The following ITPR2 variants were observed in gnomAD, a reference collection of about 807,000 sequenced individuals.
ITPR2 encodes inositol 1,4,5-trisphosphate-gated calcium channel ITPR2.
A neutral mutation model predicts 317.1 loss-of-function variants in ITPR2; 207 were observed. That is an observed-to-expected ratio of 0.65 (90% confidence interval 0.58 to 0.73). The LOEUF (loss-of-function observed/expected upper bound fraction) is 0.73, where lower values mean the gene tolerates loss of function less well. ITPR2 is among the 30% of genes least tolerant of loss of function. The pLI is 0.00. For synonymous variants in ITPR2, 1,156 were observed against 1,149.1 expected (o/e 1.01, Z -0.12); for missense variants, 2,613 against 3,284.0 (o/e 0.80, Z 4.99).
At chr12:26,391,556 C>CTTTTTTTTTT (rs1555117374) in intron 54 of ITPR2, among the ~76,000 whole-genome samples, 2 of 98,600 alleles carry the variant, frequency 2.0e-5, no homozygotes, top group African/African-American at 4.3e-5. Flanking sequence ...TCTTCTTTTC[C>CTTTTTTTTTT]TTTTTTTTTT....
chr12:26,397,331 C>A (rs958459448), intron 54 of ITPR2, among the ~76,000 whole-genome samples: 1 of 151,780 alleles, frequency 6.6e-6, no homozygotes, highest in African/African-American at 2.4e-5. Flanking sequence ...CTTATCCTGG[C>A]CTTTCTGCTT....
At chr12:26,370,659 G>T (rs200828674) in intron 55 of ITPR2, among the ~76,000 whole-genome samples, 2 of 98,302 alleles carry the variant, frequency 2.0e-5, no homozygotes, top group South Asian at 6.3e-4. Flanking sequence ...ATTTATTTTT[G>T]TTGTTGTTGT....
chr12:26,612,907 G>C (rs758387822), intron 26 of ITPR2, among the ~76,000 whole-genome samples: 1 of 152,148 alleles, frequency 6.6e-6, no homozygotes, highest in South Asian at 2.1e-4. Flanking sequence ...ACTCCTCCCA[G>C]TCCTTCAGAA....
chr12:26,592,251 C>G (rs1470408544), intron 32 of ITPR2, among the ~76,000 whole-genome samples: 2 of 152,096 alleles, frequency 1.3e-5, no homozygotes, highest in Non-Finnish European at 2.9e-5. Context: ...TTACTAGAGG[C>G]TAGGAAGGGT....
intron 5 of ITPR2, chr12:26,721,236 G>C: frequency 2.1e-6 from 1 of 475,994 alleles, no homozygotes; most frequent in East Asian, 3.2e-5. Flanking sequence ...ACCAACACAA[G>C]ACTTAAAGTG....
chr12:26,483,624 T>C, intron 42 of ITPR2, 74 bp downstream of exon 42: 1 of 1,064,234 alleles, frequency 9.4e-7, no homozygotes, highest in Non-Finnish European at 1.5e-6. Flanking sequence ...GAAAGATCTT[T>C]CAAGTGCACA....
At chr12:26,490,107 A>T (rs1023689976) in intron 39 of ITPR2, among the ~76,000 whole-genome samples, 8 of 152,254 alleles carry the variant, frequency 5.3e-5, no homozygotes, top group Non-Finnish European at 8.8e-5. Context: ...ATGCTGTTTC[A>T]TCAAAAAATA....
rs568276736 is a variant in ITPR2, at chr12:26,711,215, G to A, written c.909C>T (p.Phe303=). Residue 303 remains phenylalanine, a synonymous_variant, in exon 9 of 57, where the codon TTC becomes TTT. Transcript: ENST00000381340. ...RGGAGQWNSL[F]RFKHLATGNY... is the part of the protein sequence containing the mutation. ...TTCCAGTTGCAAGATGCTTAAATCTGAACAAGCTGTTCCACTGTCCTGCAC... is the reference window on the plus strand; with the variant it reads ...TTCCAGTTGCAAGATGCTTAAATCTAAACAAGCTGTTCCACTGTCCTGCAC... 40 of 1,613,716 alleles carry A rather than the reference G, an allele frequency of 2.5e-5. No individual in the cohort carries two copies. The highest frequency in any genetic ancestry group is 3.3e-5 in the Admixed American group (2 of 59,966).
chr12:26,715,772 G>C lies in ITPR2; in HGVS notation c.688C>G (p.Arg230Gly). The change falls in exon 7 of 57, where the codon CGA becomes GGA. Residue 230 changes from arginine (R) to glycine (G), a missense_variant. Arg to Gly is a moderately radical substitution (Grantham distance 125, BLOSUM62 -2). Around this residue, in one of 9 missense-constraint regions of ITPR2, gnomAD observed 515 missense variants for 789.4 expected, o/e 0.65. Transcript: ENST00000381340. ...ITLFMKYSSY[R>G]EDVLKGGDVV... Reference sequence around the variant, plus strand: ...CTTACTCCTTTTAATACATCCTCTCGATAGGAACTATATTTCATGAATAAA... The same window carrying C: ...CTTACTCCTTTTAATACATCCTCTCCATAGGAACTATATTTCATGAATAAA... 6.2e-7 allele frequency: 1 copy of C among 1,604,174 alleles called. No individual in the cohort carries two copies. The highest frequency in any genetic ancestry group is 1.3e-5 in the African/African-American group (1 of 74,778).
intron 34 of ITPR2, among the ~76,000 whole-genome samples, chr12:26,572,132 C>T (rs1209584260): frequency 6.6e-6 from 1 of 152,104 alleles, no homozygotes; most frequent in African/African-American, 2.4e-5. Flanking sequence ...TTGAATTCTG[C>T]TAAACTTTAG....
At chr12:26,639,425 T>C (rs1243042212) in intron 21 of ITPR2, among the ~76,000 whole-genome samples, 3 of 152,202 alleles carry the variant, frequency 2.0e-5, no homozygotes, top group Non-Finnish European at 4.4e-5. Flanking sequence ...ATGAAGCTCA[T>C]ATATTATATA....
At chr12:26,736,929 G>A (rs914065161) in intron 2 of ITPR2, among the ~76,000 whole-genome samples, 3 of 152,180 alleles carry the variant, frequency 2.0e-5, no homozygotes, top group Non-Finnish European at 2.9e-5. Context: ...TTTGAGCAAC[G>A]ATAGTTCAAA....
rs1187665569 is a variant in ITPR2 at position 26,778,489 on chromosome 12, C to T, written c.163+11668G>A. On this transcript the variant is annotated intron_variant, in intron 2 of 56. Transcript: ENST00000381340. Reference sequence around the variant, plus strand: ...CAGCAAATTAACACATCTCCTGGTACCTAGCATGCAGCCATTGACTTGGCA... The same window carrying T: ...CAGCAAATTAACACATCTCCTGGTATCTAGCATGCAGCCATTGACTTGGCA... Among the ~76,000 whole-genome samples, 3 of 152,220 alleles carry T rather than the reference C, an allele frequency of 2.0e-5. No individual in the cohort carries two copies. In the East Asian group the frequency reaches 5.8e-4, roughly 29 times the overall value.
Position 26,602,403 on chromosome 12 carries a change from C to G in ITPR2, c.3645G>C (p.Val1215=). Residue 1215 remains valine, a synonymous_variant, in exon 28 of 57, where the codon GTG becomes GTC. Coordinates refer to ENST00000381340, the MANE Select transcript of ITPR2 (RefSeq NM_002223.4). ...RLLKNMGAHS[V]VLDLLQIPYE... ...AGGGTATCTGCAGAAGATCCAACAC[C>G]ACCGAATGCGCCCCCATATTTTTCA... is the stretch of plus-strand genomic sequence containing the variant. 1 of 1,613,768 alleles carries G rather than the reference C, an allele frequency of 6.2e-7. No individual in the cohort carries two copies. Among genetic ancestry groups the G allele is most frequent in the Non-Finnish European group, 8.5e-7 (1 of 1,179,786 alleles).
chr12:26,464,243 G>A (rs957858132), intron 45 of ITPR2, among the ~76,000 whole-genome samples: 6 of 151,942 alleles, frequency 3.9e-5, no homozygotes, highest in Non-Finnish European at 5.9e-5. Flanking sequence ...CTATTATTAC[G>A]TACTCACCAT....
intron 26 of ITPR2, among the ~76,000 whole-genome samples, chr12:26,610,992 T>C (rs1946251168): frequency 1.3e-5 from 2 of 152,138 alleles, no homozygotes; most frequent in African/African-American, 2.4e-5. Flanking sequence ...GGGTCTAGAT[T>C]TCCAAGCAAC....
At chr12:26,497,782 C>T (rs949070148) in intron 37 of ITPR2, among the ~76,000 whole-genome samples, 1 of 150,636 alleles carries the variant, frequency 6.6e-6, no homozygotes, top group Non-Finnish European at 1.5e-5. Flanking sequence ...ACAATCTCAG[C>T]TCACTGCAAC....
chr12:26,524,236 G>A lies in ITPR2; in HGVS notation c.5073+26011C>T, dbSNP rs116191911. 5.8e-3 allele frequency among the ~76,000 whole-genome samples: 878 copies of A among 152,282 alleles called. 11 individuals carry two copies. The highest frequency in any genetic ancestry group is 0.02 in the African/African-American group (835 of 41,556). On this transcript the variant is annotated intron_variant, in intron 37 of 56. Transcript: ENST00000381340. ...TTCAAAGGAGTTTTCAAATTGGGAA[G>A]GTGTGGGAATGATACATTTCAGATA...
chr12:26,708,230 G>T (rs2137016465), intron 9 of ITPR2, among the ~76,000 whole-genome samples: 1 of 152,270 alleles, frequency 6.6e-6, no homozygotes. Flanking sequence ...ATATGATCCG[G>T]CAATCCTACT....
Sources: gnomAD v4.1 joint callset for allele counts (sites outside exome capture counted in the v4.1 genomes callset) on GRCh38, gnomAD v4.1.1 for gene constraint, gnomAD v4.1.1 regional missense constraint, MANE v1.5 for transcripts, NCBI Gene and HGNC (gene_info 2026-07-23, HGNC 2026-07-21) for gene names.